INSL6: variants seen among roughly 807,000 people sequenced by gnomAD.
The protein encoded by INSL6 is insulin-like peptide INSL6.
A neutral mutation model predicts 9.4 loss-of-function variants in INSL6; 16 were observed. The ratio of observed to expected loss-of-function variants is 1.70; its 90% CI spans 1.15 to 2.59. The LOEUF is 2.59. INSL6 is among the 30% of genes most tolerant of loss of function. INSL6 has a pLI of 0.00. For missense variants in INSL6, 391 were observed against 257.3 expected (o/e 1.52, Z -3.56); for synonymous variants, 154 against 96.9 (o/e 1.59, Z -3.46).
chr9:5,092,695 G>A, the INSL6 span, among the ~76,000 whole-genome samples: 3 of 152,122 alleles, frequency 2.0e-5, no homozygotes, highest in Admixed American at 6.5e-5. Flanking sequence ...CAAGTCCCCC[G>A]AAACCAAATG....
intron 2 of INSL6, among the ~76,000 whole-genome samples, chr9:5,135,529 A>C (rs1369847948): frequency 2.0e-5 from 3 of 152,226 alleles, no homozygotes; most frequent in African/African-American, 7.2e-5. Flanking sequence ...CTACTGGGGT[A>C]AATAACAAAA....
the INSL6 span, among the ~76,000 whole-genome samples, chr9:5,058,757 T>C: frequency 2.6e-5 from 4 of 152,224 alleles, no homozygotes; most frequent in South Asian, 2.1e-4. Flanking sequence ...TAGTATCTCA[T>C]TGTGATTTTG....
intron 1 of INSL6, among the ~76,000 whole-genome samples, chr9:5,165,007 A>T (rs903188560): frequency 6.6e-6 from 1 of 152,238 alleles, no homozygotes; most frequent in Non-Finnish European, 1.5e-5. Context: ...CAGGAGTTCA[A>T]TACCAGCTTC....
At chr9:5,073,737 C>T in the INSL6 span, 1 of 1,612,452 alleles carries the variant, frequency 6.2e-7, no homozygotes, top group South Asian at 1.1e-5. Context: ...CAAGCTTTCT[C>T]ACAAGCATTT....
the INSL6 span, among the ~76,000 whole-genome samples, chr9:5,101,627 G>A: frequency 6.6e-6 from 1 of 152,206 alleles, no homozygotes; most frequent in Non-Finnish European, 1.5e-5. Flanking sequence ...TCCCAGTAGA[G>A]GCCAACTGAC....
the INSL6 span, among the ~76,000 whole-genome samples, chr9:5,095,187 C>A: frequency 2.0e-5 from 3 of 152,038 alleles, no homozygotes; most frequent in Non-Finnish European, 2.9e-5. Flanking sequence ...GCTATTGGGC[C>A]CATTCTCCTG....
chr9:5,052,335 T>A, the INSL6 span, among the ~76,000 whole-genome samples: 1 of 152,110 alleles, frequency 6.6e-6, no homozygotes, highest in Non-Finnish European at 1.5e-5. Context: ...GACTATTTAG[T>A]AACTATTTAT....
At chr9:5,141,510 GTGTC>G (rs1824501333) in intron 2 of INSL6, among the ~76,000 whole-genome samples, 2 of 152,122 alleles carry the variant, frequency 1.3e-5, no homozygotes, top group African/African-American at 2.4e-5. Context: ...TCTTTGAAAA[GTGTC>G]TGTTCATGTC....
chr9:5,021,979 A>G, the INSL6 span: 1 of 1,601,228 alleles, frequency 6.2e-7, no homozygotes, highest in Non-Finnish European at 8.6e-7. Flanking sequence ...GTTCTGAAAA[A>G]GACTCTGCAT....
At chr9:5,151,528 A>T (rs1241012443) in intron 2 of INSL6, among the ~76,000 whole-genome samples, 2 of 152,172 alleles carry the variant, frequency 1.3e-5, no homozygotes, top group African/African-American at 4.8e-5. Flanking sequence ...TGGAAAGAAA[A>T]TTGAAGTATA....
the INSL6 span, chr9:5,040,851 G>T: frequency 4.5e-6 from 1 of 221,022 alleles, no homozygotes; most frequent in Non-Finnish European, 9.2e-6. Flanking sequence ...CCCAGCGCGA[G>T]CAGGAGAGGG....
the INSL6 span, among the ~76,000 whole-genome samples, chr9:5,040,687 A>G: frequency 1.3e-5 from 2 of 152,266 alleles, no homozygotes; most frequent in Non-Finnish European, 2.9e-5. Context: ...AAGATATACA[A>G]ATGGCCAAAA....
At chr9:5,064,028 T>C in the INSL6 span, among the ~76,000 whole-genome samples, 3 of 152,070 alleles carry the variant, frequency 2.0e-5, no homozygotes, top group Admixed American at 2.0e-4. Flanking sequence ...TCTTGGCGTG[T>C]GCCTGTAATC....
intron 1 of INSL6, among the ~76,000 whole-genome samples, chr9:5,166,667 T>A (rs923772504): frequency 6.6e-6 from 1 of 151,550 alleles, no homozygotes; most frequent in East Asian, 1.9e-4. Context: ...ATGAAAAGGG[T>A]AGTCAGAGTT....
the INSL6 span, among the ~76,000 whole-genome samples, chr9:5,042,662 G>A: frequency 1.3e-5 from 2 of 152,092 alleles, no homozygotes; most frequent in East Asian, 1.9e-4. Context: ...TCCAAAGGCC[G>A]TTTTCTCAGT....
intron 1 of INSL6, among the ~76,000 whole-genome samples, chr9:5,181,267 T>C (rs1825444945): frequency 6.6e-6 from 1 of 152,162 alleles, no homozygotes; most frequent in African/African-American, 2.4e-5. Context: ...ATTGAAGACT[T>C]GTCCTGCCAG....
At chr9:5,142,931 C>A (rs903974395) in intron 2 of INSL6, among the ~76,000 whole-genome samples, 1 of 152,026 alleles carries the variant, frequency 6.6e-6, no homozygotes, top group Non-Finnish European at 1.5e-5. Context: ...TTCTTGAAAG[C>A]CTTTTCTGCA....
chr9:5,111,978 T>C, the INSL6 span: 2 of 349,598 alleles, frequency 5.7e-6, no homozygotes, highest in Non-Finnish European at 1.1e-5. Context: ...CGCCGTGGGC[T>C]CCCCCCAGGG....
At chr9:5,041,089 C>G in the INSL6 span, 21 of 711,050 alleles carry the variant, frequency 3.0e-5, no homozygotes, top group Non-Finnish European at 5.0e-5. Flanking sequence ...CTACTACAGC[C>G]TGGAGGACCT....
Sources: allele counts gnomAD v4.1 joint callset (sites outside exome capture counted in the v4.1 genomes callset), GRCh38; gene constraint gnomAD v4.1.1; transcripts MANE v1.5; gene names NCBI Gene and HGNC (gene_info 2026-07-23, HGNC 2026-07-21).